HS6ST3: variants seen among roughly 807,000 people sequenced by gnomAD.
HS6ST3 encodes the protein heparan-sulfate 6-O-sulfotransferase 3.
HS6ST3 carries 12 observed loss-of-function variants against 36.7 expected under a neutral mutation model. The observed-to-expected ratio is 0.33, with a 90% CI of 0.21 to 0.53. HS6ST3 has a LOEUF of 0.53. HS6ST3 is among the 20% of genes least tolerant of loss of function. The pLI is 0.95. For synonymous variants in HS6ST3, 240 were observed against 257.5 expected (o/e 0.93, Z 0.65); for missense variants, 584 against 640.9 (o/e 0.91, Z 0.96).
intron 1 of HS6ST3, among the ~76,000 whole-genome samples, chr13:96,338,343 C>T (rs888254082): frequency 2.0e-5 from 3 of 152,074 alleles, no homozygotes; most frequent in Non-Finnish European, 4.4e-5. Flanking sequence ...CTGCAGTATT[C>T]GGGGAGCTAC....
At chr13:96,369,152 T>C (rs188117176) in intron 1 of HS6ST3, among the ~76,000 whole-genome samples, 2 of 152,138 alleles carry the variant, frequency 1.3e-5, no homozygotes, top group East Asian at 3.9e-4. Context: ...ACCCAGTGCA[T>C]TGCCATAGGT....
intron 1 of HS6ST3, among the ~76,000 whole-genome samples, chr13:96,284,748 CTGCTTGCT>C (rs72180855): frequency 0.35 from 52,102 of 150,334 alleles, 9,207 homozygotes; most frequent in South Asian, 0.43. Flanking sequence ...GGATACTGGT[CTGCTTGCT>C]TGCTTGCTTG....
Position 96,838,717 on chromosome 13 carries a change from T to C in HS6ST3, c.*5519T>C, listed in dbSNP as rs539912396. On this transcript the variant is annotated 3_prime_UTR_variant, in exon 2 of 2. Transcript: ENST00000376705. ...ATTCCTTGAGACTTCAAATTAGCCC[T>C]TCTGAGCAAGTGGGCAGGTTCTGAA... 24 of 152,272 alleles carry C rather than the reference T, an allele frequency of 1.6e-4. No homozygotes were observed. Among genetic ancestry groups the C allele is most frequent in the African/African-American group, 5.8e-4 (24 of 41,584 alleles). 9.4% of individuals were successfully genotyped at this position (152,272 alleles called of 1,614,324 possible). A position where few individuals can be genotyped will look rare whatever the true frequency, so the allele number is the denominator to read the frequency against.
At chr13:96,205,363 A>T (rs1414724502) in intron 1 of HS6ST3, among the ~76,000 whole-genome samples, 1 of 152,168 alleles carries the variant, frequency 6.6e-6, no homozygotes, top group East Asian at 1.9e-4. Flanking sequence ...AAAGCCCAGG[A>T]TCATCCAGAT....
intron 1 of HS6ST3, among the ~76,000 whole-genome samples, chr13:96,286,176 T>C (rs2054801187): frequency 1.3e-5 from 2 of 152,188 alleles, no homozygotes; most frequent in Admixed American, 6.5e-5. Flanking sequence ...GTCTGACAAG[T>C]GGCAATCTCA....
At chr13:96,174,675 T>C (rs558455923) in intron 1 of HS6ST3, among the ~76,000 whole-genome samples, 10 of 152,348 alleles carry the variant, frequency 6.6e-5, no homozygotes, top group African/African-American at 2.4e-4. Flanking sequence ...TTCTAAACTA[T>C]GTTTAAATGC....
intron 1 of HS6ST3, among the ~76,000 whole-genome samples, chr13:96,673,472 C>T (rs1261515197): frequency 6.6e-6 from 1 of 152,128 alleles, no homozygotes; most frequent in Non-Finnish European, 1.5e-5. Context: ...GTTTAGTCTT[C>T]ATCAATCATT....
In HS6ST3 at chr13:96,493,121, A is replaced by G. The variant is rs1033942309; in HGVS notation, c.708-339369A>G. Among the ~76,000 whole-genome samples the G allele has an allele frequency of 2.6e-5, 4 of 152,178 alleles. No homozygotes were observed. In the East Asian group the frequency reaches 7.7e-4, roughly 29 times the overall value. Reference sequence around the variant, plus strand: ...GCTCATTTAGTCCTTTTTCAGAACCAGATCCACTGTTCCCTGTCTGTTCCT... The same window carrying G: ...GCTCATTTAGTCCTTTTTCAGAACCGGATCCACTGTTCCCTGTCTGTTCCT... On this transcript the variant is annotated intron_variant, in intron 1 of 1. Coordinates refer to ENST00000376705, the MANE Select transcript of HS6ST3 (RefSeq NM_153456.4).
chr13:96,375,414 T>C (rs2055310199), intron 1 of HS6ST3, among the ~76,000 whole-genome samples: 1 of 152,220 alleles, frequency 6.6e-6, no homozygotes, highest in Non-Finnish European at 1.5e-5. Context: ...CTCTGGGTTA[T>C]TTCTGCTGTA....
chr13:96,610,945 T>C (rs2138988510), intron 1 of HS6ST3, among the ~76,000 whole-genome samples: 1 of 151,874 alleles, frequency 6.6e-6, no homozygotes, highest in African/African-American at 2.4e-5. Context: ...TTTTTAACCT[T>C]ATCATGAAAA....
chr13:96,461,527 C>T, intron 1 of HS6ST3, among the ~76,000 whole-genome samples: 1 of 152,130 alleles, frequency 6.6e-6, no homozygotes, highest in East Asian at 1.9e-4. Flanking sequence ...GTATGAAAGG[C>T]TACCTGATTA....
intron 1 of HS6ST3, among the ~76,000 whole-genome samples, chr13:96,533,888 G>T (rs1240608814): frequency 1.3e-5 from 2 of 152,142 alleles, no homozygotes; most frequent in Admixed American, 1.3e-4. Context: ...CTTGGTATTT[G>T]CTTTTCCAGA....
rs983099301 is a variant in HS6ST3 at position 96,721,918 on chromosome 13, C to T, written c.708-110572C>T. Reference sequence around the variant, plus strand: ...AATCAATGATTTAGGGAAAAAAAGGCGGGGTTTTCAGAGATTGGGGATTTA... The same window carrying T: ...AATCAATGATTTAGGGAAAAAAAGGTGGGGTTTTCAGAGATTGGGGATTTA... On this transcript the variant is annotated intron_variant, in intron 1 of 1. Transcript: ENST00000376705. 4.6e-5 allele frequency among the ~76,000 whole-genome samples: 7 copies of T among 152,128 alleles called. No homozygotes were observed. In the East Asian group the frequency reaches 9.6e-4, roughly 21 times the overall value.
intron 1 of HS6ST3, among the ~76,000 whole-genome samples, chr13:96,525,653 G>T (rs971176447): frequency 6.6e-6 from 1 of 152,132 alleles, no homozygotes; most frequent in Non-Finnish European, 1.5e-5. Flanking sequence ...GACTTTGAAA[G>T]ATCTTCAAAT....
chr13:96,267,922 A>T (rs1428807790), intron 1 of HS6ST3, among the ~76,000 whole-genome samples: 1 of 151,886 alleles, frequency 6.6e-6, no homozygotes, highest in Non-Finnish European at 1.5e-5. Flanking sequence ...CTAAACACTC[A>T]GGCCTCTTCT....
At chr13:96,761,249 G>C (rs913467983) in intron 1 of HS6ST3, among the ~76,000 whole-genome samples, 15 of 151,570 alleles carry the variant, frequency 9.9e-5, no homozygotes, top group African/African-American at 3.6e-4. Context: ...GCATAGTTGG[G>C]GTCCAATGGT....
intron 1 of HS6ST3, among the ~76,000 whole-genome samples, chr13:96,346,435 G>A (rs559851203): frequency 3.6e-4 from 54 of 152,030 alleles, no homozygotes; most frequent in Non-Finnish European, 6.0e-4. Context: ...TTAGCCGGGC[G>A]TGGTGGCAGG....
chr13:96,170,419 C>T (rs1165622820), intron 1 of HS6ST3, among the ~76,000 whole-genome samples: 1 of 152,218 alleles, frequency 6.6e-6, no homozygotes, highest in African/African-American at 2.4e-5. Flanking sequence ...AACTTGATGT[C>T]AGAGTAGCAC....
intron 1 of HS6ST3, among the ~76,000 whole-genome samples, chr13:96,685,068 A>G (rs1222155830): frequency 1.3e-5 from 2 of 152,116 alleles, no homozygotes; most frequent in Admixed American, 6.6e-5. Context: ...AACACAGCAA[A>G]CAGAAGTGAC....
Sources: gnomAD v4.1 joint callset for allele counts (sites outside exome capture counted in the v4.1 genomes callset) on GRCh38, gnomAD v4.1.1 for gene constraint, MANE v1.5 for transcripts, NCBI Gene and HGNC (gene_info 2026-07-23, HGNC 2026-07-21) for gene names.